The following HECTD4 variants were observed in gnomAD, a reference collection of about 807,000 sequenced individuals.
The protein encoded by HECTD4 is HECT domain E3 ubiquitin protein ligase 4.
In HECTD4, 114 loss-of-function variants were observed where a neutral mutation model predicts 471.5. The observed-to-expected ratio is 0.24, with a 90% CI of 0.21 to 0.28. HECTD4 has a LOEUF of 0.28. Among genes scored for constraint, HECTD4 ranks in the 10% least tolerant of loss-of-function variants. The pLI is 1.00. For missense variants in HECTD4, 3,866 were observed against 5,651.5 expected (o/e 0.68, Z 10.13); for synonymous variants, 2,012 against 2,256.0 (o/e 0.89, Z 3.07).
In HECTD4 at chr12:112,298,448, C is replaced by T. The variant is rs375993647; in HGVS notation, c.1335+7616G>A. ...TACTTCATTCTAGGTAGATCTGCCT[C>T]GTACTTTTTTAATTTTTAAAAAATT... On this transcript the variant is annotated intron_variant, in intron 7 of 75. Coordinates refer to ENST00000682272, the MANE Select transcript of HECTD4 (RefSeq NM_001388303.1). Among the ~76,000 whole-genome samples the T allele has an allele frequency of 3.3e-4, 49 of 149,832 alleles. No homozygotes were observed. The East Asian group carries it at 6.7e-3, about 20-fold the overall frequency.
At position 112,167,800 on chromosome 12, in the gene HECTD4, C is replaced by A; in HGVS notation, c.12312+14G>T. The A allele has an allele frequency of 6.2e-7, 1 of 1,608,192 alleles. No individual in the cohort carries two copies. Among genetic ancestry groups the A allele is most frequent in the African/African-American group, 1.3e-5 (1 of 74,938 alleles). ...AGCTCGGGGGCGTGGAGCCTCCTCC[C>A]GGCCTCTGCCTACCTTGTTCTTATT... On this transcript the variant is annotated intron_variant, in intron 71 of 75. Coordinates refer to ENST00000682272, the MANE Select transcript of HECTD4 (RefSeq NM_001388303.1).
chr12:112,357,913 A>G (rs1485192295), intron 1 of HECTD4, among the ~76,000 whole-genome samples: 1 of 152,246 alleles, frequency 6.6e-6, no homozygotes, highest in Non-Finnish European at 1.5e-5. Flanking sequence ...TATCTAAAAG[A>G]TAATTCTGGC....
rs778305113 is a variant in HECTD4 at position 112,200,880 on chromosome 12, C to CGTGTGTGTGT, written c.8407-83_8407-82insACACACACAC. 4.3e-6 allele frequency: 5 copies of CGTGTGTGTGT among 1,163,452 alleles called. No homozygotes were observed. The Admixed American group carries it at 1.2e-4, about 29-fold the overall frequency. 72.1% of individuals were successfully genotyped at this position (1,163,452 alleles called of 1,614,324 possible). On this transcript the variant is annotated intron_variant, in intron 54 of 75. Transcript: ENST00000682272. The stretch of plus-strand genomic sequence containing the variant: ...GCGTGCGTGCGTGTGTGTGTGCGTG[C>CGTGTGTGTGT]GTGCGTGTGTGTGTGTGTGTGTGTG...
At position 112,310,216 on chromosome 12, in the gene HECTD4, G is replaced by A. The variant is rs3928130; in HGVS notation, c.917-547C>T. ...GGTAAATACATCTATACTGCTCTCT[G>A]ATGCAAAGCTAGTATTCCATAAATG... On this transcript the variant is annotated intron_variant, in intron 4 of 75. Coordinates refer to ENST00000682272, the MANE Select transcript of HECTD4 (RefSeq NM_001388303.1). Among the ~76,000 whole-genome samples the A allele has an allele frequency of 8.7e-4, 132 of 152,228 alleles. 1 individual carries two copies. Among genetic ancestry groups the A allele is most frequent in the African/African-American group, 3.1e-3 (127 of 41,558 alleles).
intron 54 of HECTD4, among the ~76,000 whole-genome samples, 175 bp from the exon 55 acceptor site, chr12:112,200,973 C>T (rs1018502481): frequency 2.6e-5 from 4 of 151,458 alleles, no homozygotes; most frequent in Non-Finnish European, 4.4e-5. Context: ...CATAGACAAA[C>T]GAAAGAGAAT....
chr12:112,376,923 A>C (rs2036791812), intron 1 of HECTD4, among the ~76,000 whole-genome samples: 1 of 151,726 alleles, frequency 6.6e-6, no homozygotes, highest in African/African-American at 2.4e-5. Flanking sequence ...GACCAGCCTG[A>C]CCAACATGGT....
At chr12:112,258,400 TA>T in intron 20 of HECTD4, 95 bp downstream of exon 20, 1 of 842,236 alleles carries the variant, frequency 1.2e-6, no homozygotes, top group Non-Finnish European at 1.8e-6. Flanking sequence ...CACAGCTAGA[TA>T]ATCCTTGCTA....
chr12:112,364,360 T>G (rs1307224033), intron 1 of HECTD4, among the ~76,000 whole-genome samples: 1 of 151,380 alleles, frequency 6.6e-6, no homozygotes. Context: ...TGAGCCGAGA[T>G]TACGCCACTG....
At chr12:112,329,262 T>C (rs556409272) in intron 1 of HECTD4, among the ~76,000 whole-genome samples, 2 of 152,298 alleles carry the variant, frequency 1.3e-5, no homozygotes, top group Middle Eastern at 6.8e-3. Flanking sequence ...TTCTCTGAGT[T>C]TTCACAGTAC....
At chr12:112,326,256 C>T (rs1187619624) in intron 1 of HECTD4, among the ~76,000 whole-genome samples, 1 of 152,136 alleles carries the variant, frequency 6.6e-6, no homozygotes, top group Non-Finnish European at 1.5e-5. Context: ...AATCCCAACA[C>T]TTTGGGAGGT....
At chr12:112,358,319 C>A (rs1040331645) in intron 1 of HECTD4, among the ~76,000 whole-genome samples, 9 of 151,992 alleles carry the variant, frequency 5.9e-5, no homozygotes, top group African/African-American at 2.2e-4. Flanking sequence ...TTATAACCTA[C>A]TAAAAAGTAT....
At chr12:112,167,996 G>T in intron 70 of HECTD4, 79 bp from the exon 71 acceptor site, 2 of 1,144,012 alleles carry the variant, frequency 1.7e-6, no homozygotes, top group African/African-American at 3.0e-5. Flanking sequence ...TCACCTGCTG[G>T]CTGGAGCGGC....
chr12:112,323,876 ATCACTGGGTAAAGATAT>A (rs2035636022), intron 1 of HECTD4, among the ~76,000 whole-genome samples: 1 of 152,066 alleles, frequency 6.6e-6, no homozygotes, highest in Admixed American at 6.5e-5. Flanking sequence ...TCAACTAGAT[ATCACTGGGTAAAGATAT>A]ATTGAAAATA....
At chr12:112,238,863 C>G (rs562881031) in intron 34 of HECTD4, among the ~76,000 whole-genome samples, 189 bp downstream of exon 34, 47 of 152,280 alleles carry the variant, frequency 3.1e-4, no homozygotes, top group African/African-American at 1.1e-3. Flanking sequence ...TCAGTCTCAT[C>G]GTAATGCTGT....
At chr12:112,316,222 C>A (rs1367447253) in intron 2 of HECTD4, among the ~76,000 whole-genome samples, 2 of 152,072 alleles carry the variant, frequency 1.3e-5, no homozygotes, top group African/African-American at 4.8e-5. Flanking sequence ...TGTCACTCGC[C>A]ACTCCATTTA....
In HECTD4 at chr12:112,382,402, T is replaced by A; in HGVS notation, c.-274A>T. The A allele has an allele frequency of 3.2e-6, 1 of 314,038 alleles. No homozygotes were observed. 19.5% of individuals were successfully genotyped at this position (314,038 alleles called of 1,614,324 possible). On this transcript the variant is annotated 5_prime_UTR_variant, in exon 1 of 76. An upstream open reading frame in the 5' UTR loses its in-frame stop. Coordinates refer to ENST00000682272, the MANE Select transcript of HECTD4 (RefSeq NM_001388303.1). Reference sequence around the variant, plus strand: ...GCCTCTGCCGCTCGGCAACCAACTGTCAGTGAGACGCCATGTTGGGGGCGG... The same window carrying A: ...GCCTCTGCCGCTCGGCAACCAACTGACAGTGAGACGCCATGTTGGGGGCGG...
At position 112,203,728 on chromosome 12, in the gene HECTD4, T is replaced by C. The variant is rs1481669111; in HGVS notation, c.8314A>G (p.Ser2772Gly). Residue 2772 changes from serine to glycine, a missense_variant, in exon 54 of 76, where the codon AGC (serine) becomes GGC (glycine). Physicochemically the swap from Ser to Gly is moderately conservative, Grantham distance 56. Around this residue, in one of 16 missense-constraint regions of HECTD4, gnomAD observed 266 missense variants for 441.6 expected, o/e 0.60. Transcript: ENST00000682272. ...GGCAGAGCAGTTCCAACAGCACTGC[T>C]GGCTACATTATTGCTGTCTGGAGAG... The part of the protein sequence containing the change: ...TRSPDSNNVA[S>G]SAVGTALPKF... 6.2e-7 allele frequency: 1 copy of C among 1,612,996 alleles called. No individual in the cohort carries two copies. The highest frequency in any genetic ancestry group is 1.7e-5 in the Admixed American group (1 of 59,920).
intron 54 of HECTD4, chr12:112,203,013 C>T (rs746044530): frequency 6.6e-6 from 1 of 152,132 alleles, no homozygotes; most frequent in African/African-American, 2.4e-5. Flanking sequence ...AACACTGACG[C>T]CATCACAGCT....
At chr12:112,377,283 AAT>A (rs1472713824) in intron 1 of HECTD4, among the ~76,000 whole-genome samples, 6 of 152,036 alleles carry the variant, frequency 3.9e-5, no homozygotes, top group African/African-American at 1.4e-4. Context: ...AAAAAAAAAA[AAT>A]AAAACAAAAA....
Sources: allele counts gnomAD v4.1 joint callset (sites outside exome capture counted in the v4.1 genomes callset), GRCh38; gene constraint gnomAD v4.1.1; regional missense constraint gnomAD v4.1.1; transcripts MANE v1.5; gene names NCBI Gene and HGNC (gene_info 2026-07-23, HGNC 2026-07-21).